The following LCT variants were observed in gnomAD, a reference collection of about 807,000 sequenced individuals.
The protein encoded by LCT is lactase/phlorizin hydrolase.
In LCT, 90 loss-of-function variants were observed where a neutral mutation model predicts 173.0. The observed-to-expected ratio is 0.52, with a 90% CI of 0.44 to 0.62. The LOEUF (loss-of-function observed/expected upper bound fraction) is 0.62. Ranked by LOEUF, LCT falls within the 20% of genes least tolerant of loss-of-function variation. The probability of loss-of-function intolerance (pLI) is 0.00; values close to 1 mark genes in which losing one functional copy is unlikely to be tolerated. For synonymous variants in LCT, 853 were observed against 957.6 expected (o/e 0.89, Z 2.02); for missense variants, 1,864 against 2,431.4 (o/e 0.77, Z 4.91).
chr2:135,810,896 G>A lies in LCT; in HGVS notation c.2354-903C>T, dbSNP rs1326197340. Among the ~76,000 whole-genome samples, 4 of 151,972 alleles carry A rather than the reference G, an allele frequency of 2.6e-5. No individual in the cohort carries two copies. In the East Asian group the frequency reaches 5.8e-4, roughly 22 times the overall value. The stretch of plus-strand genomic sequence containing the variant: ...AAAAAAATTAGCCGGGCGTGGTGAC[G>A]GGAGCCTGTAGTCCCAGCTACTCAG... On this transcript the variant is annotated intron_variant, in intron 7 of 16. Coordinates refer to ENST00000264162, the MANE Select transcript of LCT (RefSeq NM_002299.4).
Position 135,790,933 on chromosome 2 carries a change from C to A in LCT, c.5112-52G>T. On this transcript the variant is annotated intron_variant, in intron 14 of 16. Transcript: ENST00000264162. The surrounding 1 kb of genome is among the most constrained non-coding windows in gnomAD (Gnocchi z 4.1). ...GTCTTGTTTTGTAAATCTCAAGAGGCCCTTTACACGAAACACAAAACAGGA... is the reference window on the plus strand; with the variant it reads ...GTCTTGTTTTGTAAATCTCAAGAGGACCTTTACACGAAACACAAAACAGGA... 7.4e-7 allele frequency: 1 copy of A among 1,352,714 alleles called. No homozygotes were observed. The highest frequency in any genetic ancestry group is 1.1e-6 in the Non-Finnish European group (1 of 943,352). 83.8% of individuals were successfully genotyped at this position (1,352,714 alleles called of 1,614,324 possible). A position where few individuals can be genotyped will look rare whatever the true frequency, so the allele number is the denominator to read the frequency against.
chr2:135,807,321 C>G lies in LCT; in HGVS notation c.3980G>C (p.Gly1327Ala), dbSNP rs777396160. 1.8e-5 allele frequency: 29 copies of G among 1,614,048 alleles called. No homozygotes were observed. The highest frequency in any genetic ancestry group is 5.9e-6 in the Non-Finnish European group (7 of 1,180,024). The stretch of plus-strand genomic sequence containing the variant: ...GTACAGTCCAAACTTGACCGTGTAG[C>G]CATTTAGCCACTCAAAGTTGTCCAT... ...SLMDNFEWLN[G>A]YTVKFGLYHV... Residue 1327 changes from glycine to alanine, a missense_variant, in exon 9 of 17, where the codon GGC (glycine) becomes GCC (alanine). Gly to Ala is a moderately conservative substitution (Grantham distance 60). Coordinates refer to ENST00000264162, the MANE Select transcript of LCT (RefSeq NM_002299.4).
Position 135,812,597 on chromosome 2 carries a change from G to A in LCT, c.2067C>T (p.Arg689=), listed in dbSNP as rs2077744086. Residue 689 remains arginine, a synonymous_variant, in exon 7 of 17, where the codon CGC becomes CGT. Transcript: ENST00000264162. ...DFLGLSHYTS[R]LISNAPQNTC... is the part of the protein sequence containing the mutation. ...TGTTTTGTGGGGCGTTGCTGATGAG[G>A]CGGGAGGTGTAATGCGACAGACCCA... 6.2e-7 allele frequency: 1 copy of A among 1,612,546 alleles called. No individual in the cohort carries two copies.
chr2:135,812,246 G>A (rs2105537290), intron 7 of LCT, 65 bp downstream of exon 7: 8 of 1,393,264 alleles, frequency 5.7e-6, no homozygotes, highest in East Asian at 2.3e-5. Flanking sequence ...CTTATTAAAC[G>A]AAACTTTGAA....
intron 3 of LCT, 56 bp from the exon 4 acceptor site, chr2:135,824,059 A>T: frequency 2.6e-6 from 3 of 1,153,708 alleles, no homozygotes; most frequent in Non-Finnish European, 3.9e-6. Flanking sequence ...GCATCTTGAT[A>T]ACAGGGACAG....
chr2:135,801,043 C>T (rs1403638879), intron 11 of LCT, among the ~76,000 whole-genome samples: 1 of 152,152 alleles, frequency 6.6e-6, no homozygotes, highest in Non-Finnish European at 1.5e-5. Flanking sequence ...GCAGAGAGTG[C>T]TTGTGAGAGG....
chr2:135,793,160 G>A (rs2077546708), intron 14 of LCT, among the ~76,000 whole-genome samples: 2 of 152,210 alleles, frequency 1.3e-5, no homozygotes, highest in Admixed American at 6.5e-5. Flanking sequence ...CATAACCAGC[G>A]TTTGAGAAAA....
At position 135,807,114 on chromosome 2, in the gene LCT, C is replaced by G. The variant is rs2077682258; in HGVS notation, c.4173+14G>C. 1.9e-6 allele frequency: 3 copies of G among 1,614,078 alleles called. No individual in the cohort carries two copies. The highest frequency in any genetic ancestry group is 2.2e-5 in the East Asian group (1 of 44,884). On this transcript the variant is annotated intron_variant, in intron 9 of 16. Transcript: ENST00000264162. ...TGTGCAGTCACTGGTGTCCCACCATCCTGAACTCCTCACCTGATATGCAGC... is the reference window on the plus strand; with the variant it reads ...TGTGCAGTCACTGGTGTCCCACCATGCTGAACTCCTCACCTGATATGCAGC...
chr2:135,797,638 GGAAGGAC>G (rs1208471300), intron 13 of LCT, among the ~76,000 whole-genome samples: 1 of 152,208 alleles, frequency 6.6e-6, no homozygotes, highest in Non-Finnish European at 1.5e-5. Flanking sequence ...GGGCGGGTAA[GGAAGGAC>G]GCTTTGGTGC....
At chr2:135,810,331 T>C (rs1194946010) in intron 7 of LCT, 2 of 205,948 alleles carry the variant, frequency 9.7e-6, no homozygotes, top group African/African-American at 4.6e-5. Context: ...AAGTATAGTC[T>C]CTGTTACTAA....
chr2:135,831,773 C>G (rs2077942574), intron 2 of LCT, among the ~76,000 whole-genome samples: 1 of 152,146 alleles, frequency 6.6e-6, no homozygotes, highest in Non-Finnish European at 1.5e-5. Context: ...CGCACAGACG[C>G]CAATGAGCAG....
chr2:135,816,881 T>C, intron 6 of LCT, among the ~76,000 whole-genome samples: 1 of 152,124 alleles, frequency 6.6e-6, no homozygotes, highest in East Asian at 1.9e-4. Context: ...ATTTTTTTTT[T>C]TTTTTGAGAC....
Position 135,813,043 on chromosome 2 carries a change from A to T in LCT, c.1708-87T>A, listed in dbSNP as rs3769011. 149,433 of 1,153,204 alleles carry T rather than the reference A, an allele frequency of 0.13. 13,028 individuals are homozygous for T. The highest frequency in any genetic ancestry group is 0.32 in the Middle Eastern group (1,537 of 4,790). 71.4% of individuals were successfully genotyped at this position (1,153,204 alleles called of 1,614,324 possible). On this transcript the variant is annotated intron_variant, in intron 6 of 16. Transcript: ENST00000264162. ...CTAATGAACCAATAACAAGTCAACA[A>T]CAATGTCAACAAGTCAATAAAGACA...
intron 4 of LCT, 35 bp downstream of exon 4, chr2:135,823,866 G>A (rs367766083): frequency 1.3e-4 from 171 of 1,360,488 alleles, no homozygotes; most frequent in Non-Finnish European, 1.7e-4. Flanking sequence ...TGCACCAGAT[G>A]TCACTCAAAA....
Position 135,809,323 on chromosome 2 carries a change from C to T in LCT, c.3024G>A (p.Val1008=). 1 of 1,614,210 alleles carries T rather than the reference C, an allele frequency of 6.2e-7. No homozygotes were observed. Among genetic ancestry groups the T allele is most frequent in the Non-Finnish European group, 8.5e-7 (1 of 1,180,034 alleles). ...DYYNRLINGL[V]ASNIFPMVTL... ...TCACCATGGGAAAGATGTTGCTTGCCACCAAGCCATTGATCAGCCTGTTGT... is the reference window on the plus strand; with the variant it reads ...TCACCATGGGAAAGATGTTGCTTGCTACCAAGCCATTGATCAGCCTGTTGT... The change falls in exon 8 of 17, where the codon GTG becomes GTA. Residue 1008 remains valine, a synonymous_variant. Coordinates refer to ENST00000264162, the MANE Select transcript of LCT (RefSeq NM_002299.4). This position sits in a 1 kb window ranked among gnomAD's most constrained non-coding sequence, Gnocchi z 5.5.
At chr2:135,824,992 CAAAAAAAA>C (rs5834449) in intron 3 of LCT, among the ~76,000 whole-genome samples, 2 of 110,178 alleles carry the variant, frequency 1.8e-5, no homozygotes, top group African/African-American at 3.4e-5. Flanking sequence ...GGCTCCATCT[CAAAAAAAA>C]AAAAAAAAAG....
At chr2:135,804,664 TA>T in intron 10 of LCT, 102 bp downstream of exon 10, 2 of 1,165,914 alleles carry the variant, frequency 1.7e-6, no homozygotes, top group Non-Finnish European at 2.5e-6. Flanking sequence ...CAACAAAAGC[TA>T]AATTTGAAAC....
In LCT at chr2:135,828,049, G is replaced by A. The variant is rs537554873; in HGVS notation, c.804+1544C>T. On this transcript the variant is annotated intron_variant, in intron 3 of 16. Coordinates refer to ENST00000264162, the MANE Select transcript of LCT (RefSeq NM_002299.4). Reference sequence around the variant, plus strand: ...TTATTTTTATTTTTATTTTTGAGATGGAGTCTCGCTCTGTCACCAGGCTGG... The same window carrying A: ...TTATTTTTATTTTTATTTTTGAGATAGAGTCTCGCTCTGTCACCAGGCTGG... Among the ~76,000 whole-genome samples the A allele has an allele frequency of 2.0e-5, 3 of 151,998 alleles. No individual in the cohort carries two copies. The South Asian group carries it at 6.2e-4, about 32-fold the overall frequency.
Position 135,836,810 on chromosome 2 carries a change from G to C in LCT, c.360C>G (p.Leu120=). Residue 120 remains leucine, a synonymous_variant, in exon 1 of 17, where the codon CTC becomes CTG. Coordinates refer to ENST00000264162, the MANE Select transcript of LCT (RefSeq NM_002299.4). ...VQCYRRLLKA[L]KTARLQPMVI... The stretch of plus-strand genomic sequence containing the variant: ...CCATGGGCTGAAGCCGTGCAGTCTT[G>C]AGGGCCTTGAGGAGTCGCCGGTAGC... The C allele has an allele frequency of 1.9e-6, 3 of 1,614,202 alleles. No homozygotes were observed. The highest frequency in any genetic ancestry group is 1.7e-6 in the Non-Finnish European group (2 of 1,180,030).
Sources: gnomAD v4.1 joint callset for allele counts (sites outside exome capture counted in the v4.1 genomes callset) on GRCh38, gnomAD v4.1.1 for gene constraint, Gnocchi (gnomAD v3.1) non-coding constraint, MANE v1.5 for transcripts, NCBI Gene and HGNC (gene_info 2026-07-23, HGNC 2026-07-21) for gene names.